DNAH6: variants seen among roughly 807,000 people sequenced by gnomAD.
DNAH6 encodes dynein axonemal heavy chain 6.
A neutral mutation model predicts 491.4 loss-of-function variants in DNAH6; 340 were observed. The ratio of observed to expected loss-of-function variants is 0.69; its 90% confidence interval spans 0.63 to 0.76. DNAH6 has a LOEUF of 0.76. Ranked by LOEUF, DNAH6 falls within the 30% of genes least tolerant of loss-of-function variation. DNAH6 has a pLI of 0.00. For missense variants in DNAH6, 4,443 were observed against 4,972.2 expected (o/e 0.89, Z 3.20); for synonymous variants, 1,603 against 1,686.1 (o/e 0.95, Z 1.21).
intron 7 of DNAH6, 41 bp downstream of exon 7, chr2:84,547,653 C>T: frequency 6.6e-7 from 1 of 1,523,706 alleles, no homozygotes; most frequent in Non-Finnish European, 8.8e-7. Flanking sequence ...GAAGTGGTGG[C>T]TTTCTAAAAT....
chr2:84,733,625 C>T, intron 62 of DNAH6, 46 bp downstream of exon 62: 2 of 1,503,766 alleles, frequency 1.3e-6, no homozygotes, highest in Non-Finnish European at 1.8e-6. Flanking sequence ...TAAACAGGCT[C>T]TTGAATCCTA....
At chr2:84,639,577 C>G (rs1473607445) in intron 31 of DNAH6, among the ~76,000 whole-genome samples, 1 of 152,012 alleles carries the variant, frequency 6.6e-6, no homozygotes. Context: ...TGCCACCATG[C>G]CTGACTAATT....
chr2:84,647,841 G>A (rs1183226574), intron 33 of DNAH6, among the ~76,000 whole-genome samples: 1 of 152,144 alleles, frequency 6.6e-6, no homozygotes, highest in African/African-American at 2.4e-5. Flanking sequence ...TGGTATTTCT[G>A]CTTACAAAAC....
intron 5 of DNAH6, among the ~76,000 whole-genome samples, chr2:84,546,246 T>C (rs1166101419): frequency 1.3e-5 from 2 of 152,186 alleles, no homozygotes; most frequent in East Asian, 3.8e-4. Flanking sequence ...AATCCACGGA[T>C]GCTCAAGTCC....
intron 61 of DNAH6, among the ~76,000 whole-genome samples, chr2:84,730,937 G>A (rs1002334393): frequency 6.6e-6 from 1 of 152,206 alleles, no homozygotes; most frequent in African/African-American, 2.4e-5. Flanking sequence ...GGATCAAGAT[G>A]TAACACAGGG....
At chr2:84,596,310 G>A (rs1323213709) in intron 18 of DNAH6, among the ~76,000 whole-genome samples, 1 of 150,876 alleles carries the variant, frequency 6.6e-6, no homozygotes, top group African/African-American at 2.5e-5. Context: ...AACAGTTTTA[G>A]GGTGTTTTTT....
At chr2:84,587,844 C>T (rs17025322) in intron 15 of DNAH6, among the ~76,000 whole-genome samples, 6 of 152,170 alleles carry the variant, frequency 3.9e-5, no homozygotes, top group African/African-American at 1.2e-4. Flanking sequence ...TTCATGCTAC[C>T]TTTTGGGCCA....
At chr2:84,706,809 A>G in intron 52 of DNAH6, 87 bp from the exon 53 acceptor site, 3 of 1,433,964 alleles carry the variant, frequency 2.1e-6, no homozygotes. Flanking sequence ...AGGAACATAT[A>G]TAAAATTTTT....
chr2:84,640,602 G>C (rs1258510215), intron 32 of DNAH6, 24 bp downstream of exon 32: 4 of 1,536,722 alleles, frequency 2.6e-6, no homozygotes, highest in Non-Finnish European at 2.6e-6. Flanking sequence ...GTAGTCAAGA[G>C]TGAAATCCCA....
At chr2:84,700,139 C>G (rs772997505) in intron 48 of DNAH6, among the ~76,000 whole-genome samples, 1 of 152,144 alleles carries the variant, frequency 6.6e-6, no homozygotes, top group East Asian at 1.9e-4. Flanking sequence ...ATGTGAAACA[C>G]AAGCGGCATG....
At chr2:84,513,612 G>A (rs185644579), upstream of DNAH6, among the ~76,000 whole-genome samples, 1 of 151,532 alleles carries the variant, frequency 6.6e-6, no homozygotes, top group African/African-American at 2.4e-5. Context: ...TTTAAGTCTT[G>A]TTTATTCTGC....
chr2:84,467,327 A>C, the DNAH6 span, among the ~76,000 whole-genome samples: 1 of 152,170 alleles, frequency 6.6e-6, no homozygotes, highest in Non-Finnish European at 1.5e-5. Flanking sequence ...CACATCTTGC[A>C]TATAAAACTG....
intron 8 of DNAH6, among the ~76,000 whole-genome samples, chr2:84,548,620 G>A (rs1679030609): frequency 6.6e-6 from 1 of 152,100 alleles, no homozygotes; most frequent in African/African-American, 2.4e-5. Context: ...TAGGACCTAA[G>A]TGATGTCTCA....
intron 22 of DNAH6, among the ~76,000 whole-genome samples, chr2:84,613,952 G>C (rs768131400): frequency 6.6e-6 from 1 of 151,646 alleles, no homozygotes; most frequent in Non-Finnish European, 1.5e-5. Flanking sequence ...AAATTATCTC[G>C]TTATTTTTCA....
intron 2 of DNAH6, among the ~76,000 whole-genome samples, chr2:84,519,430 A>C (rs962096236): frequency 1.3e-5 from 2 of 152,186 alleles, no homozygotes; most frequent in African/African-American, 4.8e-5. Flanking sequence ...AAAAAAGTGA[A>C]AATGACCTGA....
intron 16 of DNAH6, among the ~76,000 whole-genome samples, chr2:84,592,515 CTA>C (rs1361408728): frequency 6.6e-6 from 1 of 152,178 alleles, no homozygotes; most frequent in African/African-American, 2.4e-5. Flanking sequence ...GGTGCAAACA[CTA>C]TGGAAAACAG....
chr2:84,678,271 G>A (rs1170452127), intron 41 of DNAH6, among the ~76,000 whole-genome samples: 1 of 152,180 alleles, frequency 6.6e-6, no homozygotes, highest in Non-Finnish European at 1.5e-5. Context: ...AAAGATGGGA[G>A]CTTCACTCCT....
At chr2:84,597,655 A>G (rs1046159847) in intron 18 of DNAH6, among the ~76,000 whole-genome samples, 3 of 152,256 alleles carry the variant, frequency 2.0e-5, no homozygotes, top group Admixed American at 6.5e-5. Context: ...AGAAACTTCA[A>G]TACAAATGTT....
chr2:84,686,442 G>T, intron 43 of DNAH6, 42 bp from the exon 44 acceptor site: 1 of 1,116,560 alleles, frequency 9.0e-7, no homozygotes, highest in Non-Finnish European at 1.3e-6. Flanking sequence ...TTCCATTCAA[G>T]ATTATCATTA....
Sources: allele counts gnomAD v4.1 joint callset (sites outside exome capture counted in the v4.1 genomes callset), GRCh38; gene constraint gnomAD v4.1.1; transcripts MANE v1.5; gene names NCBI Gene and HGNC (gene_info 2026-07-23, HGNC 2026-07-21).